Variants in PPP2R3B observed in about 807,000 individuals in gnomAD.
PPP2R3B encodes the protein serine/threonine-protein phosphatase 2A regulatory subunit B'' subunit beta.
In PPP2R3B, 68 loss-of-function variants were observed where a neutral mutation model predicts 72.9. That is an observed-to-expected ratio of 0.93 (90% CI 0.77 to 1.14). The LOEUF is 1.14. Among genes scored for constraint, PPP2R3B ranks in the 50% most tolerant of loss-of-function variants. The pLI, the probability that PPP2R3B is intolerant of heterozygous loss-of-function variation, is 0.00. For missense variants in PPP2R3B, 1,018 were observed against 842.0 expected, an observed-to-expected ratio of 1.21 and a Z score of -2.59; for synonymous variants, 466 against 375.8, an observed-to-expected ratio of 1.24 and a Z score of -2.78.
chrX:338,471 T>C (rs2070950081), intron 12 of PPP2R3B, 133 bp downstream of exon 12: 1 of 891,674 alleles, frequency 1.1e-6, no homozygotes, highest in African/African-American at 1.7e-5. Context: ...CGCCCCTCTG[T>C]GTCCGCGCAC....
intron 1 of PPP2R3B, among the ~76,000 whole-genome samples, chrX:382,379 G>A (rs1482767499): frequency 6.6e-6 from 1 of 151,788 alleles, no homozygotes; most frequent in African/African-American, 2.4e-5. Context: ...TGTATTTTTA[G>A]TAGAGACAGG....
At chrX:380,925 T>G (rs2072110029) in intron 1 of PPP2R3B, among the ~76,000 whole-genome samples, 1 of 151,136 alleles carries the variant, frequency 6.6e-6, no homozygotes, top group South Asian at 2.1e-4. Context: ...CCATCGATAC[T>G]GGCGTTTTCT....
chrX:346,034 G>T, intron 6 of PPP2R3B, 140 bp downstream of exon 6: 2 of 551,908 alleles, frequency 3.6e-6, no homozygotes, highest in African/African-American at 2.6e-5. Flanking sequence ...GGCTGGGAGC[G>T]CGGTGGAGGT....
In PPP2R3B at chrX:338,971, T is replaced by A. The variant is rs2070975577; in HGVS notation, c.1352-75A>T. The A allele has an allele frequency of 2.0e-5, 25 of 1,231,070 alleles. No individual in the cohort carries two copies. The South Asian group carries it at 3.0e-4, about 15-fold the overall frequency. 76.3% of individuals were successfully genotyped at this position (1,231,070 alleles called of 1,614,324 possible). ...GGGGCCTGGGTGTGGGGTGCGCGCG[T>A]CCTGTCACACGTGCTTAAGGACGCG... is the stretch of plus-strand genomic sequence containing the variant. On this transcript the variant is annotated intron_variant, in intron 10 of 12. Transcript: ENST00000390665.
intron 2 of PPP2R3B, among the ~76,000 whole-genome samples, chrX:358,054 C>G (rs747260374): frequency 6.6e-6 from 1 of 152,204 alleles, no homozygotes; most frequent in Admixed American, 6.5e-5. Context: ...CCTGACAACA[C>G]GCGTGTGGAG....
At chrX:346,605 G>A in intron 5 of PPP2R3B, 96 bp downstream of exon 5, 2 of 1,219,436 alleles carry the variant, frequency 1.6e-6, no homozygotes, top group Non-Finnish European at 2.3e-6. Flanking sequence ...GGAACCCCGG[G>A]CCCCGCCCGC....
At chrX:358,702 G>C (rs2071482328) in intron 2 of PPP2R3B, among the ~76,000 whole-genome samples, 1 of 152,198 alleles carries the variant, frequency 6.6e-6, no homozygotes, top group Admixed American at 6.5e-5. Flanking sequence ...GCGTGGAAGC[G>C]AGGTGACACC....
At chrX:338,069 AC>A (rs1220260236) in intron 12 of PPP2R3B, 16 of 168,340 alleles carry the variant, frequency 9.5e-5, no homozygotes, top group Admixed American at 3.3e-4. Context: ...CTGAGACACC[AC>A]GTGAAGAGGG....
chrX:377,894 A>G (rs1290646700), intron 1 of PPP2R3B, among the ~76,000 whole-genome samples: 1 of 99,136 alleles, frequency 1.0e-5, no homozygotes, highest in East Asian at 3.1e-4. Flanking sequence ...ACTACTGTGT[A>G]CAGGGACGGG....
chrX:342,236 A>C, intron 7 of PPP2R3B: 2 of 553,500 alleles, frequency 3.6e-6, no homozygotes, highest in South Asian at 4.2e-5. Flanking sequence ...GGAGAGAGAG[A>C]CCTCGAGTGT....
chrX:359,757 C>G (rs1296049327), intron 2 of PPP2R3B: 1 of 469,398 alleles, frequency 2.1e-6, no homozygotes, highest in Non-Finnish European at 4.2e-6. Context: ...TATGTTCATA[C>G]TCATACACAT....
At chrX:349,927 C>G (rs1239108357) in intron 2 of PPP2R3B, among the ~76,000 whole-genome samples, 2 of 152,150 alleles carry the variant, frequency 1.3e-5, no homozygotes, top group African/African-American at 4.8e-5. Context: ...GACCCAGAGT[C>G]CACGCGATCC....
At chrX:337,884 G>A (rs2738383) in intron 12 of PPP2R3B, 110,829 of 153,102 alleles carry the variant, frequency 0.72, 40,756 homozygotes, top group Middle Eastern at 0.83. Context: ...ACCTCAATCC[G>A]AGCTTCACAC....
At chrX:363,916 CA>C (rs1215590871) in intron 1 of PPP2R3B, among the ~76,000 whole-genome samples, 1 of 152,248 alleles carries the variant, frequency 6.6e-6, no homozygotes, top group Non-Finnish European at 1.5e-5. Context: ...GTACACAAAC[CA>C]ACCTTCCTGA....
intron 2 of PPP2R3B, among the ~76,000 whole-genome samples, chrX:361,091 GGA>G (rs1314444740): frequency 1.3e-5 from 2 of 152,186 alleles, no homozygotes; most frequent in African/African-American, 4.8e-5. Flanking sequence ...GCCCCGGAGG[GGA>G]GAGAAGGGGA....
chrX:344,518 C>T (rs1446149258), intron 7 of PPP2R3B, among the ~76,000 whole-genome samples: 3 of 152,262 alleles, frequency 2.0e-5, no homozygotes, highest in Non-Finnish European at 4.4e-5. Flanking sequence ...CGGCATCCTG[C>T]CCTGGGACCG....
In PPP2R3B at chrX:386,798, G is replaced by C; in HGVS notation, c.-107C>G. The C allele has an allele frequency of 1.6e-6, 1 of 639,170 alleles. No individual in the cohort carries two copies. The highest frequency in any genetic ancestry group is 2.1e-6 in the Non-Finnish European group (1 of 476,928). The allele number at this position is 639,170 out of a possible 1,614,324, so 39.6% of individuals were successfully genotyped here. On this transcript the variant is annotated 5_prime_UTR_variant, in exon 1 of 13. Transcript: ENST00000390665. ...CGGTGATGCGAGCACGGCCCGCTGAGGGGGCGCGGCGCAGGGAACAGGGCC... is the reference window on the plus strand; with the variant it reads ...CGGTGATGCGAGCACGGCCCGCTGACGGGGCGCGGCGCAGGGAACAGGGCC...
intron 1 of PPP2R3B, among the ~76,000 whole-genome samples, chrX:362,629 GTCC>G (rs1483923119): frequency 1.2e-4 from 18 of 152,196 alleles, no homozygotes; most frequent in Admixed American, 6.5e-4. Flanking sequence ...ACGGGGCTGT[GTCC>G]TCCTCAACCA....
chrX:361,158 G>A (rs1445876340), intron 2 of PPP2R3B, among the ~76,000 whole-genome samples: 2 of 152,208 alleles, frequency 1.3e-5, no homozygotes, highest in Admixed American at 6.5e-5. Context: ...GAATGCAGAC[G>A]GAATTCCCAC....
Sources: allele counts gnomAD v4.1 joint callset (sites outside exome capture counted in the v4.1 genomes callset), GRCh38; gene constraint gnomAD v4.1.1; transcripts MANE v1.5; gene names NCBI Gene and HGNC (gene_info 2026-07-23, HGNC 2026-07-21).